JCAD: variants seen among roughly 807,000 people sequenced by gnomAD.
JCAD encodes the protein junctional cadherin 5 associated.
JCAD carries 40 observed loss-of-function variants against 98.0 expected under a neutral mutation model. The ratio of observed to expected loss-of-function variants is 0.41; its 90% CI spans 0.32 to 0.53. JCAD has a LOEUF of 0.53. Ranked by LOEUF, JCAD falls within the 20% of genes least tolerant of loss-of-function variation. The pLI, the probability that JCAD is intolerant of heterozygous loss-of-function variation, is 0.31. For missense variants in JCAD, 1,705 were observed against 1,738.1 expected (o/e 0.98, Z 0.34); for synonymous variants, 691 against 682.3 (o/e 1.01, Z -0.20).
In JCAD at chr10:30,114,116, T is replaced by C. The variant is rs373387406; in HGVS notation, n.128+1251A>G. On this transcript the variant is annotated intron_variant and non_coding_transcript_variant, in intron 1 of 2. Transcript: ENST00000465712. The stretch of plus-strand genomic sequence containing the variant: ...AGAATAAAATAAGATGATCGCAAAG[T>C]GGTTGACTTAGTTCCCCGTGCACAA... Among the ~76,000 whole-genome samples the C allele has an allele frequency of 1.8e-4, 27 of 152,274 alleles. No homozygotes were observed. The South Asian group carries it at 5.4e-3, about 30-fold the overall frequency.
At chr10:30,069,446 C>CAAAAAAAAAAAAAAAAAAA (rs35069678) in intron 2 of JCAD, among the ~76,000 whole-genome samples, 1 of 105,556 alleles carries the variant, frequency 9.5e-6, no homozygotes, top group South Asian at 3.8e-4. Flanking sequence ...AGAAAATTTA[C>CAAAAAAAAAAAAAAAAAAA]AAAAAAAAAA....
chr10:30,028,460 G>A lies in JCAD; in HGVS notation c.1688C>T (p.Thr563Ile). 6.2e-7 allele frequency: 1 copy of A among 1,614,230 alleles called. No homozygotes were observed. The highest frequency in any genetic ancestry group is 1.3e-5 in the African/African-American group (1 of 75,068). Residue 563 changes from threonine to isoleucine, a missense_variant, in exon 3 of 4, where the codon ACT becomes ATT. Thr to Ile is a moderately conservative substitution (Grantham distance 89). Coordinates refer to ENST00000375377, the MANE Select transcript of JCAD (RefSeq NM_020848.4). ...TGAACTTTTCTTGGTCCGAGTCCCA[G>A]TTTGGAACTTTTTGAGCTTGGTTTG... ...ETQTKLKKFQ[T>I]GTRTKKSSKK...
upstream of JCAD, among the ~76,000 whole-genome samples, chr10:30,062,648 C>T (rs937748982): frequency 3.3e-5 from 5 of 152,156 alleles, no homozygotes; most frequent in South Asian, 2.1e-4. Context: ...ATCACAATCA[C>T]GGTGGAAGGC....
chr10:30,111,513 G>A (rs1473906777), intron 1 of JCAD, among the ~76,000 whole-genome samples: 2 of 152,168 alleles, frequency 1.3e-5, no homozygotes, highest in Non-Finnish European at 2.9e-5. Context: ...TGCAATAGTA[G>A]ACAGAATCTC....
chr10:30,067,385 G>A (rs1837802515), intron 2 of JCAD, among the ~76,000 whole-genome samples: 1 of 151,852 alleles, frequency 6.6e-6, no homozygotes, highest in African/African-American at 2.4e-5. Context: ...AGAGTGCAGT[G>A]GCACGATCTC....
intron 1 of JCAD, among the ~76,000 whole-genome samples, chr10:30,091,024 C>T (rs1005118827): frequency 3.9e-5 from 6 of 152,174 alleles, no homozygotes; most frequent in Admixed American, 6.5e-5. Flanking sequence ...ACACGCTGGT[C>T]GTCATCTTCA....
rs1198107053 is a variant in JCAD, at chr10:30,092,034, CAAAAAAAAAAAAAA to C, written n.129-22227_129-22214del. On this transcript the variant is annotated intron_variant and non_coding_transcript_variant, in intron 1 of 2. Coordinates refer to the JCAD transcript ENST00000465712. ...CAGAGCGAGACTCCATCCCCCACCA[CAAAAAAAAAAAAAA>C]AAAAAAAAAAAAAAAAATATATATA... 2.4e-3 allele frequency among the ~76,000 whole-genome samples: 84 copies of C among 35,362 alleles called. 1 individual carries two copies. Among genetic ancestry groups the C allele is most frequent in the African/African-American group, 8.0e-3 (57 of 7,162 alleles). The allele number at this position is 35,362 out of a possible 152,430, so 23.2% of individuals were successfully genotyped here. A position where few individuals can be genotyped will look rare whatever the true frequency, so the allele number is the denominator to read the frequency against.
At chr10:30,044,587 C>T (rs1209694084) in intron 2 of JCAD, among the ~76,000 whole-genome samples, 2 of 151,856 alleles carry the variant, frequency 1.3e-5, no homozygotes, top group Non-Finnish European at 2.9e-5. Flanking sequence ...AGCAAGACCA[C>T]AGCTGTGCTT....
chr10:30,087,842 CTTTG>C (rs1052771271), intron 1 of JCAD, among the ~76,000 whole-genome samples: 1 of 152,100 alleles, frequency 6.6e-6, no homozygotes, highest in Middle Eastern at 3.4e-3. Flanking sequence ...CTTCTGTAAC[CTTTG>C]TTTGTTTGTT....
chr10:30,081,962 A>G (rs1838094507), intron 1 of JCAD, among the ~76,000 whole-genome samples: 1 of 152,216 alleles, frequency 6.6e-6, no homozygotes, highest in African/African-American at 2.4e-5. Flanking sequence ...GTGTTTGGAG[A>G]TATCAAATGT....
chr10:30,105,240 C>A (rs1343647720), intron 1 of JCAD, among the ~76,000 whole-genome samples: 1 of 152,164 alleles, frequency 6.6e-6, no homozygotes, highest in Non-Finnish European at 1.5e-5. Flanking sequence ...TGGCAGATAT[C>A]TAAAAAGATG....
At chr10:30,114,763 T>A (rs1838762890) in intron 1 of JCAD, among the ~76,000 whole-genome samples, 1 of 152,138 alleles carries the variant, frequency 6.6e-6, no homozygotes, top group South Asian at 2.1e-4. Context: ...TAGAAAGTCA[T>A]GAGTTTAAAA....
chr10:30,017,882 A>T lies in JCAD; in HGVS notation c.*1T>A, dbSNP rs142972033. The T allele has an allele frequency of 9.4e-4, 1,511 of 1,613,026 alleles. 9 individuals carry two copies. The African/African-American group carries it at 0.017, about 19-fold the overall frequency. ...GGAATGCAAGCTCCACCGGCATTTC[A>T]TCACACCCTCTCCACTCTGCTAGGG... On this transcript the variant is annotated 3_prime_UTR_variant, in exon 4 of 4. Coordinates refer to ENST00000375377, the MANE Select transcript of JCAD (RefSeq NM_020848.4).
chr10:30,063,315 T>C (rs1837730546), upstream of JCAD, among the ~76,000 whole-genome samples: 1 of 152,108 alleles, frequency 6.6e-6, no homozygotes, highest in African/African-American at 2.4e-5. Flanking sequence ...GGAGAAGGGA[T>C]TTCACAGACT....
Position 30,028,189 on chromosome 10 carries a change from C to G in JCAD, c.1959G>C (p.Gly653=). The part of the protein sequence containing the change: ...GRTEFQKQDL[G]EPEEDRQTND... ...TTGTTTGTCTGTCTTCTTCTGGTTCCCCTAGATCTTGTTTTTGGAACTCCG... is the reference window on the plus strand; with the variant it reads ...TTGTTTGTCTGTCTTCTTCTGGTTCGCCTAGATCTTGTTTTTGGAACTCCG... The change falls in exon 3 of 4, where the codon GGG becomes GGC. Residue 653 remains glycine (G), a synonymous_variant. Coordinates refer to ENST00000375377, the MANE Select transcript of JCAD (RefSeq NM_020848.4). The G allele has an allele frequency of 6.2e-7, 1 of 1,614,162 alleles. No homozygotes were observed. The highest frequency in any genetic ancestry group is 8.5e-7 in the Non-Finnish European group (1 of 1,180,042).
upstream of JCAD, among the ~76,000 whole-genome samples, chr10:30,063,179 T>C (rs559407838): frequency 6.7e-6 from 1 of 149,816 alleles, no homozygotes; most frequent in African/African-American, 2.4e-5. Context: ...GCTTATGTGA[T>C]GTAAAATATA....
At position 30,035,211 on chromosome 10, in the gene JCAD, C is replaced by T. The variant is rs76379214; in HGVS notation, c.282-5345G>A. On this transcript the variant is annotated intron_variant, in intron 2 of 3. Coordinates refer to ENST00000375377, the MANE Select transcript of JCAD (RefSeq NM_020848.4). The stretch of plus-strand genomic sequence containing the variant: ...AGCCTGTCACTTCCTACAGAGGGAG[C>T]GTGGTTGGTTTTCTTCTCCACCCAA... 7.2e-5 allele frequency among the ~76,000 whole-genome samples: 11 copies of T among 152,290 alleles called. No homozygotes were observed. In the East Asian group the frequency reaches 1.5e-3, roughly 21 times the overall value.
chr10:30,035,981 G>C (rs1837101608), intron 2 of JCAD, among the ~76,000 whole-genome samples: 1 of 152,138 alleles, frequency 6.6e-6, no homozygotes, highest in Admixed American at 6.5e-5. Flanking sequence ...TCTGAAATAT[G>C]AGCATGTGAA....
At chr10:30,054,675 C>CTT (rs34992036) in intron 1 of JCAD, among the ~76,000 whole-genome samples, 2,714 of 146,638 alleles carry the variant, frequency 0.019, 35 homozygotes, top group African/African-American at 0.028. Context: ...GAAAATGCAT[C>CTT]TTTTTTTTTT....
Sources: gnomAD v4.1 joint callset for allele counts (sites outside exome capture counted in the v4.1 genomes callset) on GRCh38, gnomAD v4.1.1 for gene constraint, MANE v1.5 for transcripts, NCBI Gene and HGNC (gene_info 2026-07-23, HGNC 2026-07-21) for gene names.